TPCN1: variants seen among roughly 807,000 people sequenced by gnomAD.
TPCN1 encodes two pore channel protein 1.
In TPCN1, 52 loss-of-function variants were observed where a neutral mutation model predicts 108.8. The ratio of observed to expected loss-of-function variants is 0.48; its 90% CI spans 0.38 to 0.60. The LOEUF is 0.60. Ranked by LOEUF, TPCN1 falls within the 20% of genes least tolerant of loss-of-function variation. The probability of loss-of-function intolerance (pLI) is 0.00; values close to 1 mark genes in which losing one functional copy is unlikely to be tolerated. For synonymous variants in TPCN1, 446 were observed against 433.7 expected (o/e 1.03, Z -0.35); for missense variants, 806 against 1,072.8 (o/e 0.75, Z 3.47).
rs1955368131 is a variant in TPCN1, at chr12:113,268,532, A to G, written c.529-210A>G. 6.6e-6 allele frequency among the ~76,000 whole-genome samples: 1 copy of G among 152,000 alleles called. No individual in the cohort carries two copies. The highest frequency in any genetic ancestry group is 2.4e-5 in the African/African-American group (1 of 41,346). On this transcript the variant is annotated intron_variant, in intron 5 of 27. Coordinates refer to ENST00000335509, the MANE Select transcript of TPCN1 (RefSeq NM_017901.6). This position sits in a 1 kb window ranked among gnomAD's most constrained non-coding sequence, Gnocchi z 7.3. ...ATACCAGCAGTCACACAGCCCTTCCATTCTTCTGGTGCCACACACCTGTGC... is the reference window on the plus strand; with the variant it reads ...ATACCAGCAGTCACACAGCCCTTCCGTTCTTCTGGTGCCACACACCTGTGC...
intron 2 of TPCN1, among the ~76,000 whole-genome samples, chr12:113,258,286 C>T (rs1465459575): frequency 1.3e-5 from 2 of 151,958 alleles, no homozygotes; most frequent in Non-Finnish European, 2.9e-5. Context: ...GGCCAACATG[C>T]TAAACCCTGT....
At position 113,292,934 on chromosome 12, in the gene TPCN1, T is replaced by C. The variant is rs1956315132; in HGVS notation, c.2114T>C (p.Val705Ala). 6.2e-7 allele frequency: 1 copy of C among 1,611,524 alleles called. No homozygotes were observed. Among genetic ancestry groups the C allele is most frequent in the African/African-American group, 1.3e-5 (1 of 75,024 alleles). Residue 705 changes from valine to alanine, a missense_variant and splice_region_variant, in exon 26 of 28, where the codon GTT (valine) becomes GCT (alanine). Transcript: ENST00000335509. Reference sequence around the variant, plus strand: ...CCACACCTGCCTTCCATCCCTGCAGTTGATGGTGGCATCACCCTTGAGAAG... The same window carrying C: ...CCACACCTGCCTTCCATCCCTGCAGCTGATGGTGGCATCACCCTTGAGAAG... The part of the protein sequence containing the change: ...NYSRKNQDSE[V>A]DGGITLEKEI...
intron 2 of TPCN1, among the ~76,000 whole-genome samples, chr12:113,257,037 T>C (rs1385417467): frequency 6.7e-6 from 1 of 149,472 alleles, no homozygotes. Context: ...GAGCTCTCAA[T>C]TTAATAATAA....
In TPCN1 at chr12:113,288,728, C is replaced by T; in HGVS notation, c.1707-30C>T. 1 of 1,609,058 alleles carries T rather than the reference C, an allele frequency of 6.2e-7. No individual in the cohort carries two copies. The highest frequency in any genetic ancestry group is 8.5e-7 in the Non-Finnish European group (1 of 1,179,618). ...GAGGAGCCGTTCCCTCCTGCCGGCC[C>T]CGCGTCACCCTGCCCCTGTCGCCCC... is the stretch of plus-strand genomic sequence containing the variant. On this transcript the variant is annotated intron_variant, in intron 20 of 27. Transcript: ENST00000335509. This position sits in a 1 kb window ranked among gnomAD's most constrained non-coding sequence, Gnocchi z 4.8.
chr12:113,290,430 A>C (rs1163429706), intron 22 of TPCN1, among the ~76,000 whole-genome samples, 187 bp downstream of exon 22: 2 of 152,150 alleles, frequency 1.3e-5, no homozygotes, highest in Admixed American at 6.5e-5. Context: ...CCTGGAGCTC[A>C]CTCAGTTGCC....
chr12:113,241,362 A>T (rs1954115982), intron 2 of TPCN1, among the ~76,000 whole-genome samples: 1 of 152,230 alleles, frequency 6.6e-6, no homozygotes, highest in South Asian at 2.1e-4. Context: ...CTGCAGCAGC[A>T]GCAGCAGCAG....
At chr12:113,247,075 C>T (rs1954423747) in intron 2 of TPCN1, among the ~76,000 whole-genome samples, 1 of 152,144 alleles carries the variant, frequency 6.6e-6, no homozygotes. Flanking sequence ...TGTTGGCATT[C>T]GAGGCTGCCC....
At chr12:113,252,132 A>C (rs939573594) in intron 2 of TPCN1, among the ~76,000 whole-genome samples, 2 of 152,102 alleles carry the variant, frequency 1.3e-5, no homozygotes, top group African/African-American at 4.8e-5. Flanking sequence ...TTTCAGTTGA[A>C]TGGAACTGTC....
At chr12:113,237,281 C>G (rs1045513550) in intron 2 of TPCN1, among the ~76,000 whole-genome samples, 4 of 152,058 alleles carry the variant, frequency 2.6e-5, no homozygotes, top group Non-Finnish European at 5.9e-5. Context: ...GCATTTTTCT[C>G]TCTGTGTCTG....
Position 113,284,967 on chromosome 12 carries a change from C to T in TPCN1, c.1453+196C>T, listed in dbSNP as rs61943638. On this transcript the variant is annotated intron_variant, in intron 17 of 27. Coordinates refer to ENST00000335509, the MANE Select transcript of TPCN1 (RefSeq NM_017901.6). This position sits in a 1 kb window ranked among gnomAD's most constrained non-coding sequence, Gnocchi z 4.1. Reference sequence around the variant, plus strand: ...CTGCCCTCTGGATGGAGCCCAGATCCTAGGCGTGTGTGACCCTCCACTCGG... The same window carrying T: ...CTGCCCTCTGGATGGAGCCCAGATCTTAGGCGTGTGTGACCCTCCACTCGG... 0.058 allele frequency among the ~76,000 whole-genome samples: 8,826 copies of T among 152,258 alleles called. 355 individuals are homozygous for T. The highest frequency in any genetic ancestry group is 0.071 in the Middle Eastern group (21 of 294).
chr12:113,223,408 A>G (rs1374600997), intron 1 of TPCN1, among the ~76,000 whole-genome samples: 1 of 147,124 alleles, frequency 6.8e-6, no homozygotes, highest in Non-Finnish European at 1.5e-5. Context: ...TTGCAAGTTC[A>G]AAGGTCTGCA....
chr12:113,288,667 A>G lies in TPCN1; in HGVS notation c.1707-91A>G. 4 of 1,573,676 alleles carry G rather than the reference A, an allele frequency of 2.5e-6. No individual in the cohort carries two copies. Among genetic ancestry groups the G allele is most frequent in the East Asian group, 4.5e-5 (2 of 44,554 alleles). The stretch of plus-strand genomic sequence containing the variant: ...GAACCGACCAGGGGCATGGCCCTGC[A>G]GTCAGCCCCACGGGTCCGAGGAGGC... On this transcript the variant is annotated intron_variant, in intron 20 of 27. Transcript: ENST00000335509. This position sits in a 1 kb window ranked among gnomAD's most constrained non-coding sequence, Gnocchi z 4.8.
At chr12:113,240,572 T>A (rs1198951169) in intron 2 of TPCN1, among the ~76,000 whole-genome samples, 2 of 152,196 alleles carry the variant, frequency 1.3e-5, no homozygotes, top group African/African-American at 4.8e-5. Context: ...ATTGAGGATG[T>A]GAACCTTTCC....
In TPCN1 at chr12:113,268,010, C is replaced by A; in HGVS notation, c.528+54C>A. Reference sequence around the variant, plus strand: ...CTCACAGCCTTTTCTCCCATGTCACCTTCAAACCTGTCTCTTTGGTACAAT... The same window carrying A: ...CTCACAGCCTTTTCTCCCATGTCACATTCAAACCTGTCTCTTTGGTACAAT... On this transcript the variant is annotated intron_variant, in intron 5 of 27. Transcript: ENST00000335509. This position sits in a 1 kb window ranked among gnomAD's most constrained non-coding sequence, Gnocchi z 7.3. 1 of 1,227,344 alleles carries A rather than the reference C, an allele frequency of 8.1e-7. No individual in the cohort carries two copies. The highest frequency in any genetic ancestry group is 1.2e-6 in the Non-Finnish European group (1 of 847,144). The allele number at this position is 1,227,344 out of a possible 1,614,324, so 76.0% of individuals were successfully genotyped here. A position where few individuals can be genotyped will look rare whatever the true frequency, so the allele number is the denominator to read the frequency against.
At position 113,273,085 on chromosome 12, in the gene TPCN1, T is replaced by G. The variant is rs1443433189; in HGVS notation, c.784-147T>G. ...AGGGGAGGCCTCTGGACTGCATGTT[T>G]GCTCTTTCCTCTGCCTCCCTCAGGG... On this transcript the variant is annotated intron_variant, in intron 8 of 27. Transcript: ENST00000335509. This position sits in a 1 kb window ranked among gnomAD's most constrained non-coding sequence, Gnocchi z 4.0. The G allele has an allele frequency of 1.3e-6, 1 of 746,872 alleles. No individual in the cohort carries two copies. Among genetic ancestry groups the G allele is most frequent in the Non-Finnish European group, 2.4e-6 (1 of 415,144 alleles). The allele number at this position is 746,872 out of a possible 1,614,324, so 46.3% of individuals were successfully genotyped here.
At chr12:113,225,668 C>T (rs1344510940) in intron 1 of TPCN1, among the ~76,000 whole-genome samples, 1 of 152,116 alleles carries the variant, frequency 6.6e-6, no homozygotes, top group Non-Finnish European at 1.5e-5. Flanking sequence ...GATTCTCCTG[C>T]CTCAGCTTCT....
At chr12:113,292,269 G>A in intron 25 of TPCN1, 1 of 369,066 alleles carries the variant, frequency 2.7e-6, no homozygotes, top group Non-Finnish European at 5.0e-6. Context: ...TCCTCCAGAG[G>A]CTTCTCCTTC....
chr12:113,237,373 T>C (rs1471649657), intron 2 of TPCN1, among the ~76,000 whole-genome samples: 1 of 151,840 alleles, frequency 6.6e-6, no homozygotes, highest in East Asian at 1.9e-4. Flanking sequence ...TTTTTTTTTC[T>C]TGAGTTAGAG....
chr12:113,275,634 G>A (rs1281046135), intron 10 of TPCN1, among the ~76,000 whole-genome samples: 6 of 150,806 alleles, frequency 4.0e-5, no homozygotes, highest in Admixed American at 6.6e-5. Context: ...GTGCAGTGGC[G>A]CGATCTCGGC....
Sources: gnomAD v4.1 joint callset for allele counts (sites outside exome capture counted in the v4.1 genomes callset) on GRCh38, gnomAD v4.1.1 for gene constraint, Gnocchi (gnomAD v3.1) non-coding constraint, MANE v1.5 for transcripts, NCBI Gene and HGNC (gene_info 2026-07-23, HGNC 2026-07-21) for gene names.